SPAG16: variants seen among roughly 807,000 people sequenced by gnomAD.
The protein encoded by SPAG16 is sperm-associated antigen 16 protein.
In SPAG16, 86 loss-of-function variants were observed where a neutral mutation model predicts 80.4. The observed-to-expected ratio is 1.07, with a 90% CI of 0.90 to 1.28. The LOEUF is 1.28. Ranked by LOEUF, SPAG16 falls within the 50% of genes most tolerant of loss-of-function variation. The pLI is 0.00. For missense variants in SPAG16, 870 were observed against 765.3 expected (o/e 1.14, Z -1.61); for synonymous variants, 294 against 265.9 (o/e 1.11, Z -1.03).
intron 15 of SPAG16, among the ~76,000 whole-genome samples, chr2:214,163,785 AG>A (rs1401332100): frequency 6.6e-6 from 1 of 151,870 alleles, no homozygotes; most frequent in East Asian, 1.9e-4. Flanking sequence ...TCGAGTCCAC[AG>A]GTAGTATAGA....
At chr2:213,882,018 C>A (rs2076363151) in intron 11 of SPAG16, among the ~76,000 whole-genome samples, 1 of 152,040 alleles carries the variant, frequency 6.6e-6, no homozygotes, top group Non-Finnish European at 1.5e-5. Context: ...GATGCCTTGT[C>A]TTTTGAGAGT....
intron 12 of SPAG16, among the ~76,000 whole-genome samples, chr2:213,970,393 C>T (rs2044970463): frequency 6.6e-6 from 1 of 151,978 alleles, no homozygotes; most frequent in South Asian, 2.1e-4. Context: ...CGTCTGCCTC[C>T]CAAACTCAAG....
At chr2:214,076,719 G>C (rs2051098993) in intron 13 of SPAG16, among the ~76,000 whole-genome samples, 1 of 152,090 alleles carries the variant, frequency 6.6e-6, no homozygotes, top group South Asian at 2.1e-4. Context: ...CTTGGGCTGT[G>C]ATCGTGAGAA....
intron 10 of SPAG16, among the ~76,000 whole-genome samples, chr2:213,637,591 A>C (rs1260968905): frequency 2.0e-5 from 3 of 152,016 alleles, no homozygotes; most frequent in African/African-American, 7.2e-5. Context: ...TGTTGTTGGC[A>C]ATTTTTTAAT....
At chr2:213,291,532 C>T (rs1387195396) in intron 1 of SPAG16, among the ~76,000 whole-genome samples, 6 of 152,180 alleles carry the variant, frequency 3.9e-5, no homozygotes, top group Admixed American at 6.5e-5. Context: ...GGTTAGATTT[C>T]GTTTTGAGTC....
At chr2:213,743,070 A>C (rs2067651540) in intron 10 of SPAG16, among the ~76,000 whole-genome samples, 1 of 141,320 alleles carries the variant, frequency 7.1e-6, no homozygotes, top group Non-Finnish European at 1.6e-5. Context: ...CGCCCGGCTA[A>C]TTTTTTGTAT....
chr2:213,424,043 A>AACTTAAT (rs1371018613), intron 9 of SPAG16, among the ~76,000 whole-genome samples: 1 of 152,200 alleles, frequency 6.6e-6, no homozygotes, highest in Non-Finnish European at 1.5e-5. Context: ...TTCCATGACA[A>AACTTAAT]ACTTAATTTC....
chr2:213,899,409 T>C (rs1187735800), intron 11 of SPAG16, among the ~76,000 whole-genome samples: 1 of 152,096 alleles, frequency 6.6e-6, no homozygotes, highest in Non-Finnish European at 1.5e-5. Context: ...ATGAACTGTG[T>C]TCCCTCTTAC....
At chr2:213,330,130 C>T (rs1039313920) in intron 5 of SPAG16, among the ~76,000 whole-genome samples, 10 of 152,174 alleles carry the variant, frequency 6.6e-5, no homozygotes, top group Non-Finnish European at 1.2e-4. Context: ...TAAGGCAGTG[C>T]GGAAGGGAAA....
intron 10 of SPAG16, among the ~76,000 whole-genome samples, chr2:213,586,725 A>C (rs952236797): frequency 2.6e-5 from 4 of 152,220 alleles, no homozygotes; most frequent in African/African-American, 9.6e-5. Flanking sequence ...TCCACCTGTG[A>C]ATCTGTGAAA....
At chr2:213,863,976 A>G (rs1022974585) in intron 11 of SPAG16, among the ~76,000 whole-genome samples, 4 of 152,168 alleles carry the variant, frequency 2.6e-5, no homozygotes, top group Admixed American at 2.6e-4. Flanking sequence ...GCATGAGACA[A>G]ATATAAGGGG....
At chr2:213,898,693 C>T (rs1403311693) in intron 11 of SPAG16, among the ~76,000 whole-genome samples, 1 of 152,146 alleles carries the variant, frequency 6.6e-6, no homozygotes, top group Non-Finnish European at 1.5e-5. Context: ...CTGATTTACA[C>T]AGCTGGATTT....
chr2:213,955,218 TG>T (rs1211960443), intron 12 of SPAG16, among the ~76,000 whole-genome samples: 6 of 152,150 alleles, frequency 3.9e-5, no homozygotes, highest in African/African-American at 1.4e-4. Context: ...GTACTTTGGG[TG>T]TTGCATCTAA....
At chr2:214,402,974 C>T (rs1701796233) in intron 15 of SPAG16, among the ~76,000 whole-genome samples, 1 of 150,888 alleles carries the variant, frequency 6.6e-6, no homozygotes, top group Admixed American at 6.6e-5. Context: ...TTGATAGACA[C>T]ATCTCTCCAT....
chr2:213,720,221 G>A (rs1293703898), intron 10 of SPAG16, among the ~76,000 whole-genome samples: 1 of 152,002 alleles, frequency 6.6e-6, no homozygotes, highest in African/African-American at 2.4e-5. Context: ...AAGATTAGGA[G>A]AAATACCTAA....
chr2:214,246,533 T>C (rs1204691216), intron 15 of SPAG16, among the ~76,000 whole-genome samples: 1 of 152,112 alleles, frequency 6.6e-6, no homozygotes, highest in Non-Finnish European at 1.5e-5. Context: ...CTGAGCATAC[T>C]ATAAGCCCTT....
intron 10 of SPAG16, among the ~76,000 whole-genome samples, chr2:213,840,791 T>A (rs2074324811): frequency 6.6e-6 from 1 of 152,142 alleles, no homozygotes; most frequent in Admixed American, 6.5e-5. Context: ...CTAGTGACAA[T>A]GGAAGCAGAA....
At chr2:213,430,108 A>T (rs912995586) in intron 9 of SPAG16, among the ~76,000 whole-genome samples, 2 of 152,244 alleles carry the variant, frequency 1.3e-5, no homozygotes, top group Non-Finnish European at 2.9e-5. Flanking sequence ...TCAATTCAGG[A>T]TATAAATGAG....
chr2:213,549,091 G>T (rs1268717386), intron 10 of SPAG16, among the ~76,000 whole-genome samples: 2 of 151,640 alleles, frequency 1.3e-5, no homozygotes, highest in East Asian at 3.9e-4. Flanking sequence ...CTTTCTACCT[G>T]TGGTCTATGG....
Sources: allele counts gnomAD v4.1 joint callset (sites outside exome capture counted in the v4.1 genomes callset), GRCh38; gene constraint gnomAD v4.1.1; transcripts MANE v1.5; gene names NCBI Gene and HGNC (gene_info 2026-07-23, HGNC 2026-07-21).